CSMD1: variants seen among roughly 807,000 people sequenced by gnomAD.
CSMD1 encodes the protein CUB and sushi domain-containing protein 1.
In CSMD1, 213 loss-of-function variants were observed where a neutral mutation model predicts 417.5. The observed-to-expected ratio is 0.51, with a 90% confidence interval of 0.46 to 0.57. CSMD1 has a LOEUF of 0.57. CSMD1 is among the 20% of genes least tolerant of loss of function. The pLI is 0.00. For missense variants in CSMD1, 6,923 were observed against 4,529.7 expected (o/e 1.53, Z -15.17); for synonymous variants, 2,862 against 1,736.8 (o/e 1.65, Z -16.11).
chr8:3,115,018 T>G (rs1407035115), intron 42 of CSMD1, among the ~76,000 whole-genome samples: 4 of 152,328 alleles, frequency 2.6e-5, no homozygotes, highest in Admixed American at 2.0e-4. Flanking sequence ...ATTTATTTAA[T>G]GCCTAAAATT....
intron 2 of CSMD1, among the ~76,000 whole-genome samples, chr8:4,569,818 TGAGCAC>T (rs952264688): frequency 5.9e-4 from 90 of 152,344 alleles, no homozygotes; most frequent in African/African-American, 2.1e-3. Flanking sequence ...TTTATTTCCT[TGAGCAC>T]TGATTTGTAG....
chr8:3,533,394 T>C (rs1273548325), intron 10 of CSMD1, among the ~76,000 whole-genome samples: 1 of 152,210 alleles, frequency 6.6e-6, no homozygotes, highest in African/African-American at 2.4e-5. Flanking sequence ...GACTCCTCAT[T>C]TCCCCCTCCC....
At chr8:4,545,364 C>T (rs190364902) in intron 2 of CSMD1, among the ~76,000 whole-genome samples, 13 of 152,312 alleles carry the variant, frequency 8.5e-5, no homozygotes, top group Admixed American at 2.6e-4. Flanking sequence ...GTTTTATTCT[C>T]CTCCAAATAT....
At chr8:3,001,113 G>T (rs1383607357) in intron 52 of CSMD1, among the ~76,000 whole-genome samples, 1 of 151,902 alleles carries the variant, frequency 6.6e-6, no homozygotes, top group African/African-American at 2.4e-5. Flanking sequence ...CTGAGGAGAT[G>T]GGACTACGCC....
intron 43 of CSMD1, among the ~76,000 whole-genome samples, chr8:3,109,139 C>T (rs1488123841): frequency 1.3e-5 from 2 of 152,188 alleles, no homozygotes; most frequent in Non-Finnish European, 2.9e-5. Context: ...GTGGCACGCA[C>T]TTGTAGTCCC....
At chr8:4,482,452 T>C (rs1448317513) in intron 2 of CSMD1, among the ~76,000 whole-genome samples, 1 of 152,236 alleles carries the variant, frequency 6.6e-6, no homozygotes, top group Admixed American at 6.5e-5. Flanking sequence ...TGCATAGTAC[T>C]CCATGGTGTG....
chr8:3,580,560 T>A (rs1800339746), intron 9 of CSMD1, among the ~76,000 whole-genome samples: 1 of 152,184 alleles, frequency 6.6e-6, no homozygotes, highest in African/African-American at 2.4e-5. Context: ...AAAACTATAT[T>A]ATTGCCAATA....
chr8:4,430,536 C>T (rs967446467), intron 2 of CSMD1, among the ~76,000 whole-genome samples: 3 of 152,074 alleles, frequency 2.0e-5, no homozygotes, highest in South Asian at 4.2e-4. Context: ...CTCTGATAGA[C>T]ACTACTCTCT....
intron 2 of CSMD1, among the ~76,000 whole-genome samples, chr8:4,449,267 G>C (rs762469987): frequency 3.3e-5 from 5 of 152,110 alleles, no homozygotes; most frequent in Non-Finnish European, 7.4e-5. Flanking sequence ...TGTAACTATT[G>C]AAAGGAAACT....
At chr8:3,989,479 A>AAT (rs1814585301) in intron 5 of CSMD1, among the ~76,000 whole-genome samples, 1 of 152,166 alleles carries the variant, frequency 6.6e-6, no homozygotes, top group South Asian at 2.1e-4. Flanking sequence ...CAGACAAAAA[A>AAT]CCTGGATTCT....
chr8:3,235,264 A>C (rs1799083157), intron 26 of CSMD1, among the ~76,000 whole-genome samples: 1 of 152,204 alleles, frequency 6.6e-6, no homozygotes, highest in Non-Finnish European at 1.5e-5. Context: ...TTTCATTATA[A>C]TTTTTAAAAC....
intron 1 of CSMD1, among the ~76,000 whole-genome samples, chr8:4,854,970 C>A (rs1801707337): frequency 6.6e-6 from 1 of 152,166 alleles, no homozygotes. Flanking sequence ...AGGGCACAGA[C>A]AAACAAAAAG....
Position 3,318,646 on chromosome 8 carries a change from G to T in CSMD1, c.3632-10143C>A, listed in dbSNP as rs1805944474. 3.9e-5 allele frequency among the ~76,000 whole-genome samples: 6 copies of T among 152,206 alleles called. 1 individual carries two copies. The highest frequency in any genetic ancestry group is 3.9e-4 in the Admixed American group (6 of 15,284). ...ATGGTTTTGCCCTTTGGGACTCAGA[G>T]TTTAATTGGAGGTATTATAGCAGGT... On this transcript the variant is annotated intron_variant, in intron 23 of 69. Coordinates refer to ENST00000635120, the MANE Select transcript of CSMD1 (RefSeq NM_033225.6).
At chr8:4,821,254 C>A (rs956607384) in intron 1 of CSMD1, among the ~76,000 whole-genome samples, 2 of 152,088 alleles carry the variant, frequency 1.3e-5, no homozygotes, top group African/African-American at 2.4e-5. Flanking sequence ...ACGCAGACTC[C>A]AGTTCAAATT....
intron 12 of CSMD1, among the ~76,000 whole-genome samples, chr8:3,441,363 T>A (rs1814973645): frequency 6.6e-6 from 1 of 152,104 alleles, no homozygotes; most frequent in African/African-American, 2.4e-5. Flanking sequence ...TTTTTGTGCA[T>A]CGACTGATAT....
intron 3 of CSMD1, among the ~76,000 whole-genome samples, chr8:4,070,753 C>T (rs770782772): frequency 6.6e-6 from 1 of 152,182 alleles, no homozygotes; most frequent in African/African-American, 2.4e-5. Flanking sequence ...ATTTCCTCCA[C>T]CACGAGCCTG....
chr8:4,968,245 T>C (rs1810009615), intron 1 of CSMD1, among the ~76,000 whole-genome samples: 1 of 133,410 alleles, frequency 7.5e-6, no homozygotes, highest in South Asian at 2.4e-4. Context: ...AAATTCAATT[T>C]ATATTATGGA....
intron 2 of CSMD1, among the ~76,000 whole-genome samples, chr8:4,510,015 T>C (rs965041127): frequency 5.3e-5 from 8 of 152,114 alleles, no homozygotes; most frequent in African/African-American, 1.7e-4. Context: ...TCCCACATGT[T>C]GTGGGAGGGA....
intron 3 of CSMD1, among the ~76,000 whole-genome samples, chr8:4,241,106 A>T (rs1342294158): frequency 1.3e-5 from 2 of 152,110 alleles, no homozygotes; most frequent in Non-Finnish European, 2.9e-5. Flanking sequence ...GAATCCTCTA[A>T]ACCTGTGTTT....
Sources: allele counts gnomAD v4.1 joint callset (sites outside exome capture counted in the v4.1 genomes callset), GRCh38; gene constraint gnomAD v4.1.1; transcripts MANE v1.5; gene names NCBI Gene and HGNC (gene_info 2026-07-23, HGNC 2026-07-21).